PCDHGA2: variants seen among roughly 807,000 people sequenced by gnomAD.
PCDHGA2 encodes the protein protocadherin gamma-A2.
In PCDHGA2, 40 loss-of-function variants were observed where a neutral mutation model predicts 59.2. The observed-to-expected ratio is 0.68, with a 90% confidence interval of 0.52 to 0.88. The LOEUF (loss-of-function observed/expected upper bound fraction) is 0.88. Among genes scored for constraint, PCDHGA2 ranks in the 40% least tolerant of loss-of-function variants. The probability of loss-of-function intolerance (pLI) is 0.00; values close to 1 mark genes in which losing one functional copy is unlikely to be tolerated. For synonymous variants in PCDHGA2, 560 were observed against 526.0 expected, an observed-to-expected ratio of 1.06 and a Z score of -0.89; for missense variants, 1,226 against 1,204.0, an observed-to-expected ratio of 1.02 and a Z score of -0.27.
chr5:141,381,188 T>G (rs1271101708), intron 1 of PCDHGA2, among the ~76,000 whole-genome samples: 1 of 152,222 alleles, frequency 6.6e-6, no homozygotes, highest in Non-Finnish European at 1.5e-5. Context: ...GAAGTTAAGC[T>G]TTCTTAGTGT....
chr5:141,421,227 C>T (rs1387397967), intron 1 of PCDHGA2: 1 of 1,587,020 alleles, frequency 6.3e-7, no homozygotes, highest in Non-Finnish European at 8.6e-7. Context: ...TAGAGCCTGC[C>T]ATGGCGAATC....
Position 141,476,035 on chromosome 5 carries a change from C to A in PCDHGA2, c.2425-18772C>A. On this transcript the variant is annotated intron_variant, in intron 1 of 3. Coordinates refer to ENST00000394576, the MANE Select transcript of PCDHGA2 (RefSeq NM_018915.4). This position sits in a 1 kb window ranked among gnomAD's most constrained non-coding sequence, Gnocchi z 7.6. ...CATGTCGGACTCGGCGCCCAGCGCCCAAGCGCTAACCCGCTGAAAGTTTCT... is the reference window on the plus strand; with the variant it reads ...CATGTCGGACTCGGCGCCCAGCGCCAAAGCGCTAACCCGCTGAAAGTTTCT... The A allele has an allele frequency of 1.4e-6, 2 of 1,466,592 alleles. No individual in the cohort carries two copies. The highest frequency in any genetic ancestry group is 1.8e-6 in the Non-Finnish European group (2 of 1,102,494). 90.8% of individuals were successfully genotyped at this position (1,466,592 alleles called of 1,614,324 possible). A position where few individuals can be genotyped will look rare whatever the true frequency, so the allele number is the denominator to read the frequency against.
chr5:141,350,121 A>C, intron 1 of PCDHGA2: 1 of 625,990 alleles, frequency 1.6e-6, no homozygotes, highest in Non-Finnish European at 2.4e-6. Context: ...TGTCCGGTGC[A>C]CTGAGCACAG....
Position 141,393,633 on chromosome 5 carries a change from A to G in PCDHGA2, c.2424+52238A>G, listed in dbSNP as rs376168054. The stretch of plus-strand genomic sequence containing the variant: ...AGCCAGCGACCCGGATGAGGGAATC[A>G]ACGGAAAAGTGGCATACAAATTCCG... On this transcript the variant is annotated intron_variant, in intron 1 of 3. Transcript: ENST00000394576. 8 of 1,613,854 alleles carry G rather than the reference A, an allele frequency of 5.0e-6. No homozygotes were observed. The highest frequency in any genetic ancestry group is 1.3e-5 in the African/African-American group (1 of 74,956).
At chr5:141,444,621 G>A (rs1265458898) in intron 1 of PCDHGA2, among the ~76,000 whole-genome samples, 1 of 152,132 alleles carries the variant, frequency 6.6e-6, no homozygotes, top group Non-Finnish European at 1.5e-5. Flanking sequence ...CATGTGGCAT[G>A]ATGCACCAGT....
chr5:141,376,556 A>C, intron 1 of PCDHGA2: 1 of 1,611,100 alleles, frequency 6.2e-7, no homozygotes, highest in Non-Finnish European at 8.5e-7. Context: ...TCTTCCCGCA[A>C]CCCAACTAAT....
At chr5:141,413,389 T>G in intron 1 of PCDHGA2, 1 of 1,613,986 alleles carries the variant, frequency 6.2e-7, no homozygotes, top group Non-Finnish European at 8.5e-7. Flanking sequence ...CCGCATAGTC[T>G]CCAGAGGTAG....
At chr5:141,418,066 C>T (rs777602456) in intron 1 of PCDHGA2, 1 of 1,613,980 alleles carries the variant, frequency 6.2e-7, no homozygotes, top group Non-Finnish European at 8.5e-7. Flanking sequence ...TGCGAGTGAG[C>T]GCGGAGAAGC....
chr5:141,500,461 G>A (rs1343646600), intron 2 of PCDHGA2, among the ~76,000 whole-genome samples: 1 of 151,910 alleles, frequency 6.6e-6, no homozygotes, highest in Non-Finnish European at 1.5e-5. Flanking sequence ...CGCCCGCCTC[G>A]GCCTCCCAAA....
chr5:141,341,569 G>A, intron 1 of PCDHGA2, 174 bp downstream of exon 1: 2 of 1,286,816 alleles, frequency 1.6e-6, no homozygotes, highest in Non-Finnish European at 2.1e-6. Context: ...GCTGTAAGAG[G>A]AAGAAGAGAC....
At position 141,486,418 on chromosome 5, in the gene PCDHGA2, A is replaced by G. The variant is rs1174910867; in HGVS notation, c.2425-8389A>G. On this transcript the variant is annotated intron_variant, in intron 1 of 3. Transcript: ENST00000394576. This position sits in a 1 kb window ranked among gnomAD's most constrained non-coding sequence, Gnocchi z 5.0. ...TGGTGACTGCTGGACCCTTGGATCG[A>G]GAGGCCAAATCTAGCTATGACATCA... is the stretch of plus-strand genomic sequence containing the variant. The G allele has an allele frequency of 3.7e-6, 6 of 1,614,176 alleles. No individual in the cohort carries two copies. Among genetic ancestry groups the G allele is most frequent in the Non-Finnish European group, 5.1e-6 (6 of 1,180,020 alleles).
chr5:141,404,405 TC>T, intron 1 of PCDHGA2: 1 of 1,613,914 alleles, frequency 6.2e-7, no homozygotes, highest in South Asian at 1.1e-5. Flanking sequence ...CAATGAGAAT[TC>T]TAGAGTTATT....
chr5:141,436,337 A>G (rs1450981655), intron 1 of PCDHGA2, among the ~76,000 whole-genome samples: 1 of 152,178 alleles, frequency 6.6e-6, no homozygotes, highest in Non-Finnish European at 1.5e-5. Flanking sequence ...CATATCTCAA[A>G]TATCAGTGAC....
chr5:141,355,645 G>A lies in PCDHGA2; in HGVS notation c.2424+14250G>A, dbSNP rs765146485. 21 of 1,613,868 alleles carry A rather than the reference G, an allele frequency of 1.3e-5. No individual in the cohort carries two copies. The Admixed American group carries it at 2.2e-4, about 17-fold the overall frequency. ...AAAAGTTGCTGAAAATGAAAATCCT[G>A]GGGCAAGATTTCCTCTTCCTGAAGC... is the stretch of plus-strand genomic sequence containing the variant. On this transcript the variant is annotated intron_variant, in intron 1 of 3. Coordinates refer to ENST00000394576, the MANE Select transcript of PCDHGA2 (RefSeq NM_018915.4).
chr5:141,423,141 G>C, intron 1 of PCDHGA2: 1 of 1,613,580 alleles, frequency 6.2e-7, no homozygotes, highest in Non-Finnish European at 8.5e-7. Flanking sequence ...ACAGAGACGC[G>C]CTCAAGCAGA....
intron 1 of PCDHGA2, chr5:141,421,248 C>G: frequency 1.2e-6 from 2 of 1,604,936 alleles, no homozygotes; most frequent in Middle Eastern, 1.7e-4. Flanking sequence ...GGCTACAGCG[C>G]GGGGACCGCA....
In PCDHGA2 at chr5:141,477,625, C is replaced by T; in HGVS notation, c.2425-17182C>T. ...TTCTCTTGGAGCAAGGAGCTGAAACCGGGCTAGTGGGTCGCTATTTCACAA... is the reference window on the plus strand; with the variant it reads ...TTCTCTTGGAGCAAGGAGCTGAAACTGGGCTAGTGGGTCGCTATTTCACAA... On this transcript the variant is annotated intron_variant, in intron 1 of 3. Coordinates refer to ENST00000394576, the MANE Select transcript of PCDHGA2 (RefSeq NM_018915.4). This position sits in a 1 kb window ranked among gnomAD's most constrained non-coding sequence, Gnocchi z 4.9. The T allele has an allele frequency of 1.2e-6, 2 of 1,614,200 alleles. No homozygotes were observed. Among genetic ancestry groups the T allele is most frequent in the Non-Finnish European group, 1.7e-6 (2 of 1,180,046 alleles).
chr5:141,440,008 C>G, intron 1 of PCDHGA2: 1 of 153,238 alleles, frequency 6.5e-6, no homozygotes. Context: ...GAAACCTTGC[C>G]AAGGATCTGG....
Position 141,491,103 on chromosome 5 carries a change from G to T in PCDHGA2, c.2425-3704G>T, listed in dbSNP as rs1190609518. The T allele has an allele frequency of 6.2e-7, 1 of 1,614,162 alleles. No individual in the cohort carries two copies. ...CCACAGCCCCAGGACTGTTCCTCGT[G>T]TCTACACACACTGGTGAGGTGCGCA... On this transcript the variant is annotated intron_variant, in intron 1 of 3. Coordinates refer to ENST00000394576, the MANE Select transcript of PCDHGA2 (RefSeq NM_018915.4). The surrounding 1 kb of genome is among the most constrained non-coding windows in gnomAD (Gnocchi z 6.9).
Sources: allele counts gnomAD v4.1 joint callset (sites outside exome capture counted in the v4.1 genomes callset), GRCh38; gene constraint gnomAD v4.1.1; non-coding constraint Gnocchi (gnomAD v3.1); transcripts MANE v1.5; gene names NCBI Gene and HGNC (gene_info 2026-07-23, HGNC 2026-07-21).